Variants in LARS2 observed in about 807,000 individuals in gnomAD.
The protein encoded by LARS2 is leucine--tRNA ligase, mitochondrial.
Under a neutral mutation model 116.6 loss-of-function variants are expected in LARS2, and 81 were observed. That is an observed-to-expected ratio of 0.69 (90% CI 0.58 to 0.84). The LOEUF (loss-of-function observed/expected upper bound fraction) is 0.84, where lower values mean the gene tolerates loss of function less well. Among genes scored for constraint, LARS2 ranks in the 40% least tolerant of loss-of-function variants. The pLI is 0.00. For synonymous variants in LARS2, 396 were observed against 407.2 expected (o/e 0.97, Z 0.33); for missense variants, 968 against 1,114.5 (o/e 0.87, Z 1.87).
In LARS2 at chr3:45,468,077, C is replaced by T. The variant is rs528823086; in HGVS notation, c.751-6166C>T. Among the ~76,000 whole-genome samples, 292 of 151,476 alleles carry T rather than the reference C, an allele frequency of 1.9e-3. 2 individuals are homozygous for T. The highest frequency in any genetic ancestry group is 3.2e-3 in the Non-Finnish European group (219 of 67,890). ...TCACCCCACTGCACTTCAGCCTGGG[C>T]GACAGAGTGAGACACTGTCTCAAAA... On this transcript the variant is annotated intron_variant, in intron 8 of 21. Transcript: ENST00000645846.
intron 13 of LARS2, among the ~76,000 whole-genome samples, chr3:45,494,190 C>T (rs1246367459): frequency 2.0e-5 from 3 of 152,114 alleles, no homozygotes; most frequent in Non-Finnish European, 2.9e-5. Context: ...GGTCCCAAAG[C>T]CCTGCCAGAT....
chr3:45,445,435 G>T lies in LARS2; in HGVS notation c.517-1456G>T, dbSNP rs367824799. Among the ~76,000 whole-genome samples, 31 of 152,352 alleles carry T rather than the reference G, an allele frequency of 2.0e-4. No homozygotes were observed. In the South Asian group the frequency reaches 2.9e-3, roughly 14 times the overall value. On this transcript the variant is annotated intron_variant, in intron 6 of 21. Transcript: ENST00000645846. The stretch of plus-strand genomic sequence containing the variant: ...GGAGGTTTTGGGGAGCAAGCCCATT[G>T]GCAGAGTGCTGGTTAGGTTCTTGAG...
At chr3:45,513,366 G>T in intron 16 of LARS2, 131 bp downstream of exon 16, 1 of 676,332 alleles carries the variant, frequency 1.5e-6, no homozygotes, top group Non-Finnish European at 2.7e-6. Flanking sequence ...TGGCTGTGAG[G>T]TCTCTAAGCC....
intron 10 of LARS2, among the ~76,000 whole-genome samples, chr3:45,477,794 G>A (rs1329717137): frequency 2.0e-5 from 3 of 152,338 alleles, no homozygotes; most frequent in Non-Finnish European, 4.4e-5. Context: ...TTTGGATGAT[G>A]ATATTAAGTT....
chr3:45,475,198 G>A (rs1699591075), intron 9 of LARS2, among the ~76,000 whole-genome samples: 1 of 152,178 alleles, frequency 6.6e-6, no homozygotes. Flanking sequence ...CTGAGACAAA[G>A]TTGGCCTTCC....
chr3:45,442,006 C>A (rs1698920981), intron 6 of LARS2, among the ~76,000 whole-genome samples: 1 of 152,102 alleles, frequency 6.6e-6, no homozygotes, highest in Admixed American at 6.5e-5. Flanking sequence ...ATTGCACTTT[C>A]TAGAGCTCAG....
intron 6 of LARS2, among the ~76,000 whole-genome samples, chr3:45,444,620 C>T (rs1348741296): frequency 7.2e-6 from 1 of 139,546 alleles, no homozygotes; most frequent in Non-Finnish European, 1.5e-5. Context: ...GCCGAGATCC[C>T]GCCACTGCAC....
chr3:45,440,652 A>C (rs1698890177), intron 6 of LARS2, among the ~76,000 whole-genome samples: 1 of 152,168 alleles, frequency 6.6e-6, no homozygotes, highest in Admixed American at 6.5e-5. Flanking sequence ...ACCAAAATAC[A>C]TGACAGCTTT....
intron 7 of LARS2, among the ~76,000 whole-genome samples, chr3:45,449,378 T>A (rs188547649): frequency 6.6e-6 from 1 of 152,124 alleles, no homozygotes; most frequent in East Asian, 1.9e-4. Flanking sequence ...GTCAGACTGG[T>A]CTTGAACTCC....
rs116272561 is a variant in LARS2, at chr3:45,474,257, G to A, written c.765G>A (p.Ala255=). Residue 255 remains alanine, a synonymous_variant, in exon 9 of 22, where the codon GCG becomes GCA. Transcript: ENST00000645846. ...TTAYAKAMQD[A]LADLPEWYGI... is the part of the protein sequence containing the mutation. ...CATTTGCACAGGCCATGCAGGACGC[G>A]TTGGCAGACCTTCCAGAATGGTATG... 1,337 of 1,609,118 alleles carry A rather than the reference G, an allele frequency of 8.3e-4. 13 individuals carry two copies. The African/African-American group carries it at 0.016, about 20-fold the overall frequency.
intron 1 of LARS2, among the ~76,000 whole-genome samples, chr3:45,390,931 C>T (rs115353662): frequency 0.048 from 7,278 of 152,172 alleles, 235 homozygotes; most frequent in Non-Finnish European, 0.074. Context: ...TGAGCCACCG[C>T]ACCTGGCCCT....
intron 4 of LARS2, among the ~76,000 whole-genome samples, chr3:45,415,136 T>TGG (rs1468277521): frequency 6.6e-6 from 1 of 152,198 alleles, no homozygotes; most frequent in African/African-American, 2.4e-5. Flanking sequence ...CTTACTGGCC[T>TGG]GGGCTTGCTT....
rs1575256444 is a variant in LARS2 at position 45,440,763 on chromosome 3, A to C, written c.517-6128A>C. Among the ~76,000 whole-genome samples the C allele has an allele frequency of 5.9e-5, 9 of 152,198 alleles. 2 individuals carry two copies. Among genetic ancestry groups the C allele is most frequent in the Admixed American group, 5.9e-4 (9 of 15,298 alleles). On this transcript the variant is annotated intron_variant, in intron 6 of 21. Coordinates refer to ENST00000645846, the MANE Select transcript of LARS2 (RefSeq NM_015340.4). Reference sequence around the variant, plus strand: ...AGCAGTGTGGGGGTGGAGGCAACCTAGCAGGCCCTCCCAGCCAGAGCTGAC... The same window carrying C: ...AGCAGTGTGGGGGTGGAGGCAACCTCGCAGGCCCTCCCAGCCAGAGCTGAC...
intron 10 of LARS2, among the ~76,000 whole-genome samples, chr3:45,482,090 C>T (rs1469851478): frequency 1.3e-5 from 2 of 152,182 alleles, no homozygotes; most frequent in African/African-American, 4.8e-5. Flanking sequence ...CTCACGTTCC[C>T]ACATTATCTT....
chr3:45,482,848 C>T (rs1170317398), intron 10 of LARS2, among the ~76,000 whole-genome samples: 1 of 152,136 alleles, frequency 6.6e-6, no homozygotes, highest in Non-Finnish European at 1.5e-5. Context: ...GGCAGTTATC[C>T]TCTGTCTTGT....
intron 8 of LARS2, among the ~76,000 whole-genome samples, chr3:45,471,531 A>G (rs1699525355): frequency 6.6e-6 from 1 of 152,222 alleles, no homozygotes; most frequent in African/African-American, 2.4e-5. Flanking sequence ...TCTAGAAGAA[A>G]AAGCACAATG....
At chr3:45,497,494 C>G (rs1031458582) in intron 14 of LARS2, among the ~76,000 whole-genome samples, 1 of 152,148 alleles carries the variant, frequency 6.6e-6, no homozygotes, top group Non-Finnish European at 1.5e-5. Flanking sequence ...AATATGCCTC[C>G]CTATTCTTCG....
At chr3:45,451,454 G>A (rs982455384) in intron 7 of LARS2, among the ~76,000 whole-genome samples, 1 of 151,940 alleles carries the variant, frequency 6.6e-6, no homozygotes, top group Admixed American at 6.6e-5. Context: ...ATTTATTAAA[G>A]AGACTGTCTT....
At position 45,533,141 on chromosome 3, in the gene LARS2, C is replaced by CTTTTTTTTT. The variant is rs3085466; in HGVS notation, c.2405-8669_2405-8661dup. Among the ~76,000 whole-genome samples the CTTTTTTTTT allele has an allele frequency of 4.5e-4, 23 of 51,018 alleles. 4 individuals are homozygous for CTTTTTTTTT. The highest frequency in any genetic ancestry group is 5.6e-4 in the Non-Finnish European group (16 of 28,604). The allele number at this position is 51,018 out of a possible 152,430, so 33.5% of individuals were successfully genotyped here. On this transcript the variant is annotated intron_variant, in intron 20 of 21. Coordinates refer to ENST00000645846, the MANE Select transcript of LARS2 (RefSeq NM_015340.4). ...TTTAGCTTTGGTGGTCACATTAAGT[C>CTTTTTTTTT]TTTTTTTTTTTTTTTTTTTTTTTTT... is the stretch of plus-strand genomic sequence containing the variant.
Sources: allele counts gnomAD v4.1 joint callset (sites outside exome capture counted in the v4.1 genomes callset), GRCh38; gene constraint gnomAD v4.1.1; transcripts MANE v1.5; gene names NCBI Gene and HGNC (gene_info 2026-07-23, HGNC 2026-07-21).